Variants in DOCK2 observed in about 807,000 individuals in gnomAD.
DOCK2 encodes dedicator of cytokinesis protein 2.
A neutral mutation model predicts 248.9 loss-of-function variants in DOCK2; 87 were observed. That is an observed-to-expected ratio of 0.35 (90% confidence interval 0.29 to 0.42). The LOEUF (loss-of-function observed/expected upper bound fraction) is 0.42. DOCK2 is among the 10% of genes least tolerant of loss of function. DOCK2 has a pLI of 1.00. For synonymous variants in DOCK2, 805 were observed against 821.6 expected (o/e 0.98, Z 0.35); for missense variants, 1,747 against 2,300.2 (o/e 0.76, Z 4.92).
At chr5:169,715,549 A>G (rs1248382255) in intron 19 of DOCK2, among the ~76,000 whole-genome samples, 3 of 151,924 alleles carry the variant, frequency 2.0e-5, no homozygotes, top group Non-Finnish European at 4.4e-5. Flanking sequence ...TGGAGAAGTC[A>G]TGGAAGAGAT....
chr5:169,957,947 G>A (rs185752586), intron 27 of DOCK2, among the ~76,000 whole-genome samples: 3 of 152,334 alleles, frequency 2.0e-5, no homozygotes, highest in Non-Finnish European at 2.9e-5. Context: ...AGTCCACTGC[G>A]AGGGAGTAGG....
rs139976552 is a variant in DOCK2 at position 169,718,564 on chromosome 5, C to A, written c.2133-93C>A. ...TAAGTGAGCTTGGCTCTACTACCAC[C>A]TTTAACCTTTGATTGAATGCCTTAT... On this transcript the variant is annotated intron_variant, in intron 21 of 51. Coordinates refer to ENST00000520908, the MANE Select transcript of DOCK2 (RefSeq NM_004946.3). 3.1e-3 allele frequency: 4,548 copies of A among 1,452,768 alleles called. 10 individuals are homozygous for A. The highest frequency in any genetic ancestry group is 8.4e-3 in the South Asian group (597 of 70,748). The allele number at this position is 1,452,768 out of a possible 1,614,324, so 90.0% of individuals were successfully genotyped here. A position where few individuals can be genotyped will look rare whatever the true frequency, so the allele number is the denominator to read the frequency against.
At chr5:170,066,498 A>G (rs1361523645) in intron 44 of DOCK2, among the ~76,000 whole-genome samples, 1 of 152,166 alleles carries the variant, frequency 6.6e-6, no homozygotes, top group Non-Finnish European at 1.5e-5. Flanking sequence ...TTAGCCAGAA[A>G]AACAATAAGA....
At chr5:169,880,227 G>C (rs1772560478) in intron 27 of DOCK2, among the ~76,000 whole-genome samples, 2 of 152,206 alleles carry the variant, frequency 1.3e-5, no homozygotes, top group African/African-American at 4.8e-5. Flanking sequence ...TCTGTTATTT[G>C]ATTAAAAACA....
intron 27 of DOCK2, among the ~76,000 whole-genome samples, chr5:169,846,031 T>C (rs1176039027): frequency 6.6e-6 from 1 of 152,212 alleles, no homozygotes; most frequent in East Asian, 1.9e-4. Context: ...TAATTTTGAA[T>C]TGAAATTTGA....
intron 26 of DOCK2, among the ~76,000 whole-genome samples, chr5:169,819,988 T>TCCCATGCCCGGCTC (rs1768322570): frequency 3.9e-5 from 6 of 152,056 alleles, no homozygotes; most frequent in Non-Finnish European, 8.8e-5. Flanking sequence ...GTGCCTGGCT[T>TCCCATGCCCGGCTC]GGAGGGTCCC....
At chr5:169,709,204 C>T (rs1049282457) in intron 15 of DOCK2, among the ~76,000 whole-genome samples, 1 of 152,140 alleles carries the variant, frequency 6.6e-6, no homozygotes, top group African/African-American at 2.4e-5. Flanking sequence ...AACACTTGAC[C>T]CTTGCCTGTT....
chr5:169,685,739 T>A (rs904063300), intron 8 of DOCK2, among the ~76,000 whole-genome samples: 2 of 152,188 alleles, frequency 1.3e-5, no homozygotes, highest in South Asian at 4.1e-4. Flanking sequence ...CTCAGAAGAA[T>A]GTGCTGGGGT....
intron 27 of DOCK2, among the ~76,000 whole-genome samples, chr5:169,929,162 T>C (rs1490402475): frequency 6.6e-6 from 1 of 152,180 alleles, no homozygotes; most frequent in Non-Finnish European, 1.5e-5. Context: ...CACTTAGGCA[T>C]AGCAGGGGGT....
chr5:169,914,253 A>G (rs1249988971), intron 27 of DOCK2, among the ~76,000 whole-genome samples: 4 of 152,126 alleles, frequency 2.6e-5, no homozygotes, highest in Non-Finnish European at 5.9e-5. Context: ...TCCTCATACT[A>G]TGTTCTAAAA....
At chr5:169,893,238 GGCT>G (rs148410878) in intron 27 of DOCK2, among the ~76,000 whole-genome samples, 1 of 151,950 alleles carries the variant, frequency 6.6e-6, no homozygotes, top group Non-Finnish European at 1.5e-5. Flanking sequence ...CAGAGGCATT[GGCT>G]GCTGCTGCTG....
intron 27 of DOCK2, among the ~76,000 whole-genome samples, chr5:169,871,807 A>G (rs950049234): frequency 2.0e-5 from 3 of 152,160 alleles, no homozygotes; most frequent in East Asian, 1.9e-4. Context: ...GGGACGCTTT[A>G]TGGACCAGCT....
intron 34 of DOCK2, among the ~76,000 whole-genome samples, chr5:170,032,813 A>T (rs1318643494): frequency 6.6e-6 from 1 of 152,022 alleles, no homozygotes; most frequent in Non-Finnish European, 1.5e-5. Context: ...GGAGGAAATG[A>T]CCCTCAGAAG....
rs182568459 is a variant in DOCK2 at position 169,647,393 on chromosome 5, G to T, written c.44-7010G>T. On this transcript the variant is annotated intron_variant, in intron 1 of 51. Coordinates refer to ENST00000520908, the MANE Select transcript of DOCK2 (RefSeq NM_004946.3). ...GGAGGGGGAGGAGGATGGGTAAAGG[G>T]TAAGAGTTGGAGGTTTTAAAATTTT... Among the ~76,000 whole-genome samples the T allele has an allele frequency of 9.7e-4, 147 of 152,194 alleles. 2 individuals are homozygous for T. The highest frequency in any genetic ancestry group is 3.4e-3 in the African/African-American group (140 of 41,516).
intron 26 of DOCK2, among the ~76,000 whole-genome samples, chr5:169,821,134 T>C (rs1020421667): frequency 2.6e-5 from 4 of 152,216 alleles, no homozygotes; most frequent in African/African-American, 7.2e-5. Context: ...AGACCAAATC[T>C]ACGTCTGATT....
intron 19 of DOCK2, among the ~76,000 whole-genome samples, chr5:169,714,818 A>G (rs1023335155): frequency 5.9e-5 from 9 of 152,318 alleles, no homozygotes; most frequent in African/African-American, 2.2e-4. Flanking sequence ...AACTTACTCA[A>G]CAGTCTCTTA....
intron 36 of DOCK2, among the ~76,000 whole-genome samples, chr5:170,038,561 G>A (rs1300825018): frequency 2.0e-5 from 3 of 152,160 alleles, no homozygotes; most frequent in African/African-American, 2.4e-5. Context: ...CTATTCTGAC[G>A]ACTGTTAGCC....
chr5:169,905,897 C>A (rs1258060856), intron 27 of DOCK2, among the ~76,000 whole-genome samples: 1 of 152,210 alleles, frequency 6.6e-6, no homozygotes, highest in Non-Finnish European at 1.5e-5. Flanking sequence ...CACAGTCAAG[C>A]TGATTTCCTA....
At chr5:169,799,434 G>A (rs1766839590) in intron 25 of DOCK2, among the ~76,000 whole-genome samples, 2 of 152,112 alleles carry the variant, frequency 1.3e-5, no homozygotes, top group African/African-American at 4.8e-5. Context: ...CACTTCAGAT[G>A]AACTCACCTG....
Sources: gnomAD v4.1 joint callset for allele counts (sites outside exome capture counted in the v4.1 genomes callset) on GRCh38, gnomAD v4.1.1 for gene constraint, MANE v1.5 for transcripts, NCBI Gene and HGNC (gene_info 2026-07-23, HGNC 2026-07-21) for gene names.